MBNL2: variants seen among roughly 807,000 people sequenced by gnomAD.
MBNL2 encodes muscleblind-like protein 2.
MBNL2 carries 17 observed loss-of-function variants against 41.9 expected under a neutral mutation model. The observed-to-expected ratio is 0.41, with a 90% CI of 0.28 to 0.61. The LOEUF is 0.61. MBNL2 is among the 20% of genes least tolerant of loss of function. MBNL2 has a pLI of 0.35. For synonymous variants in MBNL2, 195 were observed against 182.9 expected (o/e 1.07, Z -0.53); for missense variants, 336 against 505.6 (o/e 0.66, Z 3.22).
chr13:97,159,666 G>A, the MBNL2 span, among the ~76,000 whole-genome samples: 3 of 149,532 alleles, frequency 2.0e-5, no homozygotes, highest in African/African-American at 7.3e-5. Context: ...AGCTTAGTTT[G>A]GCTGGATATG....
intron 3 of MBNL2, among the ~76,000 whole-genome samples, chr13:97,336,843 A>G (rs567826621): frequency 1.3e-5 from 2 of 152,348 alleles, no homozygotes; most frequent in South Asian, 2.1e-4. Flanking sequence ...AGACAAGTCA[A>G]TTGATAAAGA....
the MBNL2 span, among the ~76,000 whole-genome samples, chr13:97,149,664 G>A: frequency 6.6e-6 from 1 of 152,136 alleles, no homozygotes; most frequent in African/African-American, 2.4e-5. Flanking sequence ...GGTTTAGAGA[G>A]GGTCAGCTGC....
At chr13:97,370,211 A>G (rs1258297961) in intron 8 of MBNL2, among the ~76,000 whole-genome samples, 2 of 150,026 alleles carry the variant, frequency 1.3e-5, no homozygotes, top group African/African-American at 4.9e-5. Context: ...GACAGCTTCT[A>G]AATGGTCTTG....
intron 1 of MBNL2, among the ~76,000 whole-genome samples, chr13:97,269,968 T>A (rs563515124): frequency 6.6e-6 from 1 of 152,346 alleles, no homozygotes; most frequent in East Asian, 1.9e-4. Context: ...TACTTTTATA[T>A]TTCCACTATA....
the MBNL2 span, among the ~76,000 whole-genome samples, chr13:97,176,099 CCCT>C: frequency 6.6e-6 from 1 of 152,158 alleles, no homozygotes; most frequent in Non-Finnish European, 1.5e-5. Flanking sequence ...ACACATGCTT[CCCT>C]CCTCTCTTTT....
Position 97,334,374 on chromosome 13 carries a change from A to G in MBNL2, c.273A>G (p.Lys91=), listed in dbSNP as rs775067643. The stretch of plus-strand genomic sequence containing the variant: ...GAAGGAACAATTTGATTCAGCAAAA[A>G]ACTGCAGCAGCAATGCTTGCCCAGC... ...INGRNNLIQQ[K]TAAAMLAQQM... The change falls in exon 3 of 9, where the codon AAA becomes AAG. Residue 91 remains lysine (K), a synonymous_variant. Coordinates refer to ENST00000679496, the MANE Select transcript of MBNL2 (RefSeq NM_001382683.1). The surrounding 1 kb of genome is among the most constrained non-coding windows in gnomAD (Gnocchi z 5.3). 4 of 1,613,942 alleles carry G rather than the reference A, an allele frequency of 2.5e-6. No homozygotes were observed. Among genetic ancestry groups the G allele is most frequent in the Admixed American group, 1.7e-5 (1 of 60,010 alleles).
rs141338515 is a variant in MBNL2 at position 97,334,935 on chromosome 13, C to A, written c.339+495C>A. Among the ~76,000 whole-genome samples, 2 of 152,190 alleles carry A rather than the reference C, an allele frequency of 1.3e-5. No homozygotes were observed. The highest frequency in any genetic ancestry group is 6.5e-5 in the Admixed American group (1 of 15,280). On this transcript the variant is annotated intron_variant, in intron 3 of 8. Transcript: ENST00000679496. The surrounding 1 kb of genome is among the most constrained non-coding windows in gnomAD (Gnocchi z 5.3). ...ACTTAACTCAGACATGTTAGCAGAGCGCTTTCTGCAGTGTGTTCCAGGAAG... is the reference window on the plus strand; with the variant it reads ...ACTTAACTCAGACATGTTAGCAGAGAGCTTTCTGCAGTGTGTTCCAGGAAG...
the MBNL2 span, among the ~76,000 whole-genome samples, chr13:97,154,888 C>A: frequency 1.8e-4 from 27 of 152,010 alleles, no homozygotes; most frequent in East Asian, 5.2e-3. Context: ...AGAGGTGATT[C>A]TAAGATTAGA....
chr13:97,319,420 T>C lies in MBNL2; in HGVS notation c.175-14856T>C, dbSNP rs552688023. Among the ~76,000 whole-genome samples, 31 of 152,046 alleles carry C rather than the reference T, an allele frequency of 2.0e-4. 1 individual carries two copies. The South Asian group carries it at 4.6e-3, about 22-fold the overall frequency. ...GCTGGGCCTGATGAGAAGGAATGAATAGGCAGGGTGGTCGTGAGGGTGATA... is the reference window on the plus strand; with the variant it reads ...GCTGGGCCTGATGAGAAGGAATGAACAGGCAGGGTGGTCGTGAGGGTGATA... On this transcript the variant is annotated intron_variant, in intron 2 of 8. Coordinates refer to ENST00000679496, the MANE Select transcript of MBNL2 (RefSeq NM_001382683.1).
intron 3 of MBNL2, among the ~76,000 whole-genome samples, chr13:97,337,781 T>C: frequency 6.6e-6 from 1 of 152,162 alleles, no homozygotes; most frequent in African/African-American, 2.4e-5. Context: ...GAATAAAAAT[T>C]GTGACATGTT....
the MBNL2 span, among the ~76,000 whole-genome samples, chr13:97,198,796 T>C: frequency 6.6e-6 from 1 of 152,118 alleles, no homozygotes; most frequent in East Asian, 1.9e-4. Flanking sequence ...TCAAAATATA[T>C]GCAGACCCTC....
chr13:97,325,802 C>T (rs1370022920), intron 2 of MBNL2, among the ~76,000 whole-genome samples: 1 of 152,212 alleles, frequency 6.6e-6, no homozygotes, highest in African/African-American at 2.4e-5. Context: ...AATTCACCTA[C>T]TTTGCCTTTC....
the MBNL2 span, among the ~76,000 whole-genome samples, chr13:97,176,614 A>G: frequency 9.8e-5 from 15 of 152,318 alleles, no homozygotes; most frequent in African/African-American, 3.6e-4. Context: ...AAACAGCATC[A>G]TTAATGAGTA....
At chr13:97,202,007 C>T in the MBNL2 span, among the ~76,000 whole-genome samples, 6 of 152,076 alleles carry the variant, frequency 3.9e-5, no homozygotes, top group Admixed American at 2.0e-4. Context: ...TAAATCACAG[C>T]TTGAGGCTGG....
chr13:97,252,073 A>G (rs1451455061), intron 1 of MBNL2, among the ~76,000 whole-genome samples: 5 of 150,356 alleles, frequency 3.3e-5, no homozygotes, highest in African/African-American at 9.8e-5. Context: ...GATGGTCTCG[A>G]TCTCCTGACC....
chr13:97,367,188 G>T (rs1448037956), intron 8 of MBNL2, among the ~76,000 whole-genome samples: 1 of 152,212 alleles, frequency 6.6e-6, no homozygotes, highest in African/African-American at 2.4e-5. Context: ...AACTCTGTTG[G>T]TTTAATGCAT....
chr13:97,294,796 C>T (rs1401949556), intron 2 of MBNL2, among the ~76,000 whole-genome samples: 1 of 152,142 alleles, frequency 6.6e-6, no homozygotes, highest in Admixed American at 6.5e-5. Flanking sequence ...AAATAAGGCA[C>T]AAAGACTATG....
intron 2 of MBNL2, among the ~76,000 whole-genome samples, chr13:97,292,262 A>C (rs974689865): frequency 6.6e-6 from 1 of 151,852 alleles, no homozygotes; most frequent in African/African-American, 2.4e-5. Flanking sequence ...CCTCTTACGA[A>C]GGCATCTCTC....
At chr13:97,348,256 C>T (rs199930564) in intron 5 of MBNL2, among the ~76,000 whole-genome samples, 8 of 151,702 alleles carry the variant, frequency 5.3e-5, no homozygotes, top group African/African-American at 1.7e-4. Context: ...GACAGGGTCT[C>T]ACCATGTTGT....
Sources: gnomAD v4.1 joint callset for allele counts (sites outside exome capture counted in the v4.1 genomes callset) on GRCh38, gnomAD v4.1.1 for gene constraint, Gnocchi (gnomAD v3.1) non-coding constraint, MANE v1.5 for transcripts, NCBI Gene and HGNC (gene_info 2026-07-23, HGNC 2026-07-21) for gene names.